Variants in JARID2 observed in about 807,000 individuals in gnomAD.
The protein encoded by JARID2 is jumonji and AT-rich interaction domain containing 2.
A neutral mutation model predicts 125.6 loss-of-function variants in JARID2; 21 were observed. The ratio of observed to expected loss-of-function variants is 0.17; its 90% CI spans 0.12 to 0.24. The LOEUF is 0.24. Ranked by LOEUF, JARID2 falls within the 10% of genes least tolerant of loss-of-function variation. The pLI is 1.00. For missense variants in JARID2, 1,303 were observed against 1,639.6 expected, an observed-to-expected ratio of 0.79 and a Z score of 3.55; for synonymous variants, 736 against 661.6, an observed-to-expected ratio of 1.11 and a Z score of -1.73.
chr6:15,439,136 A>G (rs1323745274), intron 3 of JARID2, among the ~76,000 whole-genome samples: 3 of 152,210 alleles, frequency 2.0e-5, no homozygotes, highest in East Asian at 3.9e-4. Context: ...AGGAAGCATC[A>G]CAACCATTAA....
At chr6:15,461,240 A>G (rs1289333514) in intron 4 of JARID2, among the ~76,000 whole-genome samples, 3 of 152,224 alleles carry the variant, frequency 2.0e-5, no homozygotes, top group Admixed American at 6.5e-5. Flanking sequence ...TTTCAATGAC[A>G]AAGATGCTAG....
chr6:15,358,742 G>C lies in JARID2; in HGVS notation c.46-15375G>C, dbSNP rs529343714. Among the ~76,000 whole-genome samples, 6 of 152,326 alleles carry C rather than the reference G, an allele frequency of 3.9e-5. No individual in the cohort carries two copies. The South Asian group carries it at 1.2e-3, about 32-fold the overall frequency. ...GTTACCTGGTTTCCTTAGTTACAAAGGTTTCCCTTCTTTCTCTCTACAGTT... is the reference window on the plus strand; with the variant it reads ...GTTACCTGGTTTCCTTAGTTACAAACGTTTCCCTTCTTTCTCTCTACAGTT... On this transcript the variant is annotated intron_variant, in intron 1 of 17. Coordinates refer to ENST00000341776, the MANE Select transcript of JARID2 (RefSeq NM_004973.4).
chr6:15,433,921 G>GGTGTGTGTGT lies in JARID2; in HGVS notation c.324-18044_324-18035dup, dbSNP rs146025914. ...TTTTCCAGTAGCCCTCACTCTCCAG[G>GGTGTGTGTGT]GTGTGTGTGTGTGTGTGTGTGTGTG... On this transcript the variant is annotated intron_variant, in intron 3 of 17. Transcript: ENST00000341776. Among the ~76,000 whole-genome samples, 954 of 131,322 alleles carry GGTGTGTGTGT rather than the reference G, an allele frequency of 7.3e-3. 7 individuals carry two copies. The highest frequency in any genetic ancestry group is 0.027 in the East Asian group (114 of 4,190). 86.2% of individuals were successfully genotyped at this position (131,322 alleles called of 152,430 possible). A position where few individuals can be genotyped will look rare whatever the true frequency, so the allele number is the denominator to read the frequency against.
chr6:15,399,855 C>T (rs1581505306), intron 2 of JARID2, among the ~76,000 whole-genome samples: 1 of 152,204 alleles, frequency 6.6e-6, no homozygotes, highest in East Asian at 1.9e-4. Context: ...CACCATCTTC[C>T]TCCCATTGGA....
intron 1 of JARID2, among the ~76,000 whole-genome samples, chr6:15,340,614 C>G (rs1397248334): frequency 1.2e-4 from 19 of 152,158 alleles, no homozygotes; most frequent in African/African-American, 4.3e-4. Flanking sequence ...TTGGGGCAGA[C>G]TTTTATTCAT....
At chr6:15,473,095 T>G (rs1267893208) in intron 5 of JARID2, among the ~76,000 whole-genome samples, 1 of 152,226 alleles carries the variant, frequency 6.6e-6, no homozygotes, top group Non-Finnish European at 1.5e-5. Flanking sequence ...AATTGCTGTA[T>G]TTGTGGAGGA....
chr6:15,509,442 T>C (rs1771169265), intron 12 of JARID2: 2 of 785,672 alleles, frequency 2.5e-6, no homozygotes, highest in Non-Finnish European at 3.1e-6. Context: ...TGAGTGGTGC[T>C]GTGGACATGA....
intron 1 of JARID2, among the ~76,000 whole-genome samples, chr6:15,342,513 A>C (rs1164441272): frequency 1.1e-4 from 17 of 152,030 alleles, no homozygotes. Context: ...AATTCAAACT[A>C]ATTAGAATTA....
At chr6:15,314,461 A>T (rs1488747665) in intron 1 of JARID2, among the ~76,000 whole-genome samples, 1 of 152,220 alleles carries the variant, frequency 6.6e-6, no homozygotes, top group African/African-American at 2.4e-5. Context: ...AATGAATAAT[A>T]AGTAAACGGC....
intron 8 of JARID2, 88 bp from the exon 9 acceptor site, chr6:15,504,412 G>C (rs940781678): frequency 2.2e-6 from 2 of 928,492 alleles, no homozygotes; most frequent in African/African-American, 3.2e-5. Flanking sequence ...GACGCCAAGG[G>C]GCAGCGGCCC....
At chr6:15,351,945 A>G (rs1763442304) in intron 1 of JARID2, among the ~76,000 whole-genome samples, 1 of 152,228 alleles carries the variant, frequency 6.6e-6, no homozygotes, top group African/African-American at 2.4e-5. Flanking sequence ...ATGGTATTAA[A>G]GAGCAGTTAC....
chr6:15,317,300 A>T (rs1289268945), intron 1 of JARID2, among the ~76,000 whole-genome samples: 1 of 152,234 alleles, frequency 6.6e-6, no homozygotes, highest in African/African-American at 2.4e-5. Context: ...TCTGTTTTGC[A>T]GGAAAATGCA....
intron 3 of JARID2, among the ~76,000 whole-genome samples, chr6:15,416,867 A>G (rs910321988): frequency 6.6e-6 from 1 of 152,118 alleles, no homozygotes; most frequent in Non-Finnish European, 1.5e-5. Flanking sequence ...TCTTCTTGTA[A>G]AGTGTGTATT....
intron 2 of JARID2, among the ~76,000 whole-genome samples, chr6:15,401,515 C>G (rs1475050856): frequency 6.6e-6 from 1 of 152,166 alleles, no homozygotes; most frequent in Non-Finnish European, 1.5e-5. Context: ...GCTCTGGTTT[C>G]CTTCATAAAC....
intron 1 of JARID2, among the ~76,000 whole-genome samples, chr6:15,294,057 C>T (rs1326258162): frequency 6.6e-6 from 1 of 152,240 alleles, no homozygotes; most frequent in Non-Finnish European, 1.5e-5. Context: ...ACTTCTACTT[C>T]CAATAATAGG....
intron 3 of JARID2, among the ~76,000 whole-genome samples, chr6:15,430,331 A>G (rs1766916746): frequency 6.6e-6 from 1 of 152,248 alleles, no homozygotes; most frequent in Non-Finnish European, 1.5e-5. Context: ...TCAAGTATGT[A>G]CAATTGACCT....
At chr6:15,466,717 C>T (rs561211590) in intron 4 of JARID2, among the ~76,000 whole-genome samples, 24 of 152,316 alleles carry the variant, frequency 1.6e-4, no homozygotes, top group African/African-American at 5.3e-4. Context: ...AATTAGCCTC[C>T]TGTTTTCCTT....
At chr6:15,515,726 G>T (rs930419148) in intron 16 of JARID2, among the ~76,000 whole-genome samples, 14 of 150,914 alleles carry the variant, frequency 9.3e-5, no homozygotes, top group African/African-American at 3.4e-4. Flanking sequence ...TCCAGCCTGG[G>T]TGACAGAGTG....
At chr6:15,429,972 A>G (rs1369710140) in intron 3 of JARID2, among the ~76,000 whole-genome samples, 3 of 152,154 alleles carry the variant, frequency 2.0e-5, no homozygotes, top group Admixed American at 6.5e-5. Context: ...CGTCATTATA[A>G]TATTGCTGAA....
Sources: allele counts gnomAD v4.1 joint callset (sites outside exome capture counted in the v4.1 genomes callset), GRCh38; gene constraint gnomAD v4.1.1; transcripts MANE v1.5; gene names NCBI Gene and HGNC (gene_info 2026-07-23, HGNC 2026-07-21).